PLCB4: variants seen among roughly 807,000 people sequenced by gnomAD.
The protein encoded by PLCB4 is 1-phosphatidylinositol 4,5-bisphosphate phosphodiesterase beta-4.
Under a neutral mutation model 178.8 loss-of-function variants are expected in PLCB4, and 77 were observed. The ratio of observed to expected loss-of-function variants is 0.43; its 90% CI spans 0.36 to 0.52. The LOEUF (loss-of-function observed/expected upper bound fraction) is 0.52. PLCB4 is among the 20% of genes least tolerant of loss of function. The probability of loss-of-function intolerance (pLI) is 0.00; values close to 1 mark genes in which losing one functional copy is unlikely to be tolerated. For missense variants in PLCB4, 1,024 were observed against 1,453.4 expected, an observed-to-expected ratio of 0.70 and a Z score of 4.80; for synonymous variants, 496 against 490.8, an observed-to-expected ratio of 1.01 and a Z score of -0.14.
chr20:9,476,338 T>C (rs1297532895), intron 38 of PLCB4, among the ~76,000 whole-genome samples: 1 of 152,316 alleles, frequency 6.6e-6, no homozygotes, highest in Admixed American at 6.5e-5. Context: ...TGTCTTGACA[T>C]GTACCATTTC....
rs576713092 is a variant in PLCB4 at position 9,219,973 on chromosome 20, A to G, written c.-16+2521A>G. On this transcript the variant is annotated intron_variant, in intron 3 of 39. Coordinates refer to ENST00000378473, the MANE Select transcript of PLCB4 (RefSeq NM_001377142.1). ...TCTTATTTCTATAAAGGCAAAAGGTATATTTTGAATCTTGCTTATATGTCA... is the reference window on the plus strand; with the variant it reads ...TCTTATTTCTATAAAGGCAAAAGGTGTATTTTGAATCTTGCTTATATGTCA... Among the ~76,000 whole-genome samples, 18 of 152,278 alleles carry G rather than the reference A, an allele frequency of 1.2e-4. No individual in the cohort carries two copies. In the South Asian group the frequency reaches 3.1e-3, roughly 26 times the overall value.
chr20:9,320,453 T>C, intron 4 of PLCB4, among the ~76,000 whole-genome samples: 1 of 152,152 alleles, frequency 6.6e-6, no homozygotes, highest in East Asian at 1.9e-4. Flanking sequence ...GTTTTATCAG[T>C]GGGGTCTTTG....
chr20:9,473,418 T>G, intron 38 of PLCB4, 53 bp downstream of exon 38: 1 of 1,007,394 alleles, frequency 9.9e-7, no homozygotes. Context: ...AGCTTTGGGA[T>G]ACACATGCCA....
chr20:9,401,698 C>A, intron 20 of PLCB4, 108 bp downstream of exon 20: 2 of 720,014 alleles, frequency 2.8e-6, no homozygotes, highest in East Asian at 2.7e-5. Context: ...AATTCCCCTT[C>A]TAAATTGCTT....
At chr20:9,220,873 CCTT>C (rs1259836625) in intron 3 of PLCB4, among the ~76,000 whole-genome samples, 1 of 152,102 alleles carries the variant, frequency 6.6e-6, no homozygotes, top group African/African-American at 2.4e-5. Flanking sequence ...GAATGAGGAT[CCTT>C]CTTATTACCC....
chr20:9,318,825 T>C (rs1474604054), intron 4 of PLCB4, among the ~76,000 whole-genome samples: 3 of 152,248 alleles, frequency 2.0e-5, no homozygotes, highest in Non-Finnish European at 2.9e-5. Context: ...TACTGTACTA[T>C]GCTAAAGAAT....
chr20:9,402,244 G>A (rs796275130), intron 20 of PLCB4, among the ~76,000 whole-genome samples: 13 of 152,278 alleles, frequency 8.5e-5, no homozygotes, highest in South Asian at 2.1e-4. Context: ...ACATAAACAC[G>A]CATGCTGAAG....
At chr20:9,472,880 CT>C in intron 37 of PLCB4, 33 bp downstream of exon 37, 1 of 1,220,474 alleles carries the variant, frequency 8.2e-7, no homozygotes, top group South Asian at 1.3e-5. Flanking sequence ...GGCATTCTTC[CT>C]TTAAAAAACT....
intron 1 of PLCB4, among the ~76,000 whole-genome samples, chr20:9,072,115 A>G (rs1026898082): frequency 2.0e-5 from 3 of 152,186 alleles, no homozygotes; most frequent in Non-Finnish European, 4.4e-5. Context: ...AAGGAGACTT[A>G]TCTGCCTGTT....
chr20:9,371,139 G>C (rs747260625), intron 9 of PLCB4, 75 bp from the exon 10 acceptor site: 2 of 912,972 alleles, frequency 2.2e-6, no homozygotes, highest in Non-Finnish European at 1.8e-6. Flanking sequence ...CTCCATAGTA[G>C]GACCTGGATC....
intron 4 of PLCB4, among the ~76,000 whole-genome samples, chr20:9,333,310 G>T (rs1274142041): frequency 6.6e-6 from 1 of 152,128 alleles, no homozygotes; most frequent in Admixed American, 6.6e-5. Flanking sequence ...AGTAAATCAA[G>T]GATCAGGGAG....
chr20:9,252,291 A>G (rs1427619158), intron 3 of PLCB4, among the ~76,000 whole-genome samples: 3 of 152,248 alleles, frequency 2.0e-5, no homozygotes, highest in South Asian at 2.1e-4. Flanking sequence ...GTGTGGTCCA[A>G]GGACCAGCAA....
chr20:9,363,235 C>T (rs576582820), intron 8 of PLCB4, among the ~76,000 whole-genome samples: 2 of 152,308 alleles, frequency 1.3e-5, no homozygotes, highest in East Asian at 3.9e-4. Context: ...ACTCTGTATG[C>T]TGTCAGTTGT....
In PLCB4 at chr20:9,304,238, T is replaced by TG. The variant is rs576619050; in HGVS notation, c.-15-3555dup. Among the ~76,000 whole-genome samples, 56 of 149,066 alleles carry TG rather than the reference T, an allele frequency of 3.8e-4. No individual in the cohort carries two copies. The South Asian group carries it at 4.6e-3, about 12-fold the overall frequency. On this transcript the variant is annotated intron_variant, in intron 3 of 39. Coordinates refer to ENST00000378473, the MANE Select transcript of PLCB4 (RefSeq NM_001377142.1). ...ATTAAGGGGTGTATGTATGTGTGTG[T>TG]GGGGGGGTGTGAATGTTTAATTTCC...
At chr20:9,102,307 A>C (rs954942743) in intron 2 of PLCB4, among the ~76,000 whole-genome samples, 1 of 152,226 alleles carries the variant, frequency 6.6e-6, no homozygotes, top group Admixed American at 6.5e-5. Context: ...TTCTGTATAG[A>C]TGATAGAGGT....
intron 36 of PLCB4, among the ~76,000 whole-genome samples, chr20:9,471,936 G>C (rs1013773247): frequency 1.3e-5 from 2 of 152,190 alleles, no homozygotes; most frequent in Non-Finnish European, 2.9e-5. Context: ...CCACTCATCT[G>C]TTTATTCAAC....
rs2037780624 is a variant in PLCB4 at position 9,387,566 on chromosome 20, A to G, written c.1158+10A>G. 7.6e-7 allele frequency: 1 copy of G among 1,313,954 alleles called. No individual in the cohort carries two copies. The highest frequency in any genetic ancestry group is 2.3e-5 in the East Asian group (1 of 42,628). 81.4% of individuals were successfully genotyped at this position (1,313,954 alleles called of 1,614,324 possible). Reference sequence around the variant, plus strand: ...AGATATCCTTTTTAAGGTAACTTTAAAAATAATTACACAGACTTTTCCAAA... The same window carrying G: ...AGATATCCTTTTTAAGGTAACTTTAGAAATAATTACACAGACTTTTCCAAA... On this transcript the variant is annotated intron_variant, in intron 15 of 39. Coordinates refer to ENST00000378473, the MANE Select transcript of PLCB4 (RefSeq NM_001377142.1).
At chr20:9,276,189 A>G (rs2094448941) in intron 3 of PLCB4, among the ~76,000 whole-genome samples, 1 of 152,090 alleles carries the variant, frequency 6.6e-6, no homozygotes, top group African/African-American at 2.4e-5. Flanking sequence ...CAACTGCCAC[A>G]TGTTTTCGTT....
intron 3 of PLCB4, among the ~76,000 whole-genome samples, chr20:9,224,472 C>T (rs2093839134): frequency 6.6e-6 from 1 of 152,172 alleles, no homozygotes; most frequent in South Asian, 2.1e-4. Context: ...CCAACCCCAG[C>T]TGTTCTCCTC....
Sources: gnomAD v4.1 joint callset for allele counts (sites outside exome capture counted in the v4.1 genomes callset) on GRCh38, gnomAD v4.1.1 for gene constraint, MANE v1.5 for transcripts, NCBI Gene and HGNC (gene_info 2026-07-23, HGNC 2026-07-21) for gene names.